DLGAP2: variants seen among roughly 807,000 people sequenced by gnomAD.
DLGAP2 encodes disks large-associated protein 2.
A neutral mutation model predicts 100.3 loss-of-function variants in DLGAP2; 26 were observed. That is an observed-to-expected ratio of 0.26 (90% confidence interval 0.19 to 0.36). DLGAP2 has a LOEUF of 0.36. Among genes scored for constraint, DLGAP2 ranks in the 10% least tolerant of loss-of-function variants. The pLI is 1.00. For missense variants in DLGAP2, 1,858 were observed against 1,453.2 expected (o/e 1.28, Z -4.53); for synonymous variants, 886 against 630.1 (o/e 1.41, Z -6.08).
At chr8:1,514,793 G>A (rs1800300929) in intron 4 of DLGAP2, among the ~76,000 whole-genome samples, 1 of 152,228 alleles carries the variant, frequency 6.6e-6, no homozygotes, top group Non-Finnish European at 1.5e-5. Flanking sequence ...CTCTCAGCAG[G>A]ACAGGAAAGG....
chr8:1,091,776 C>T (rs1013176889), intron 2 of DLGAP2, among the ~76,000 whole-genome samples: 1 of 151,936 alleles, frequency 6.6e-6, no homozygotes, highest in Non-Finnish European at 1.5e-5. Context: ...CCTCCATGGC[C>T]CCCGACCCTC....
chr8:1,319,634 G>C (rs892079285), intron 3 of DLGAP2, among the ~76,000 whole-genome samples: 4 of 152,176 alleles, frequency 2.6e-5, no homozygotes, highest in African/African-American at 9.7e-5. Context: ...ATGAGAAAAG[G>C]GCCTGGAGAG....
At chr8:1,254,505 G>T (rs1799126565) in intron 2 of DLGAP2, among the ~76,000 whole-genome samples, 1 of 152,106 alleles carries the variant, frequency 6.6e-6, no homozygotes, top group South Asian at 2.1e-4. Flanking sequence ...TTTGGAAGTG[G>T]CTCTCATGAA....
chr8:1,352,726 C>T (rs1186606415), intron 3 of DLGAP2, among the ~76,000 whole-genome samples: 8 of 152,134 alleles, frequency 5.3e-5, no homozygotes, highest in Non-Finnish European at 7.3e-5. Context: ...TTTTACAGCT[C>T]GCTGTGCCCT....
chr8:949,677 C>G (rs750293078), intron 2 of DLGAP2, among the ~76,000 whole-genome samples: 2 of 152,190 alleles, frequency 1.3e-5, no homozygotes, highest in African/African-American at 4.8e-5. Context: ...TGTCCTCGTT[C>G]CCACCCCCCT....
In DLGAP2 at chr8:1,640,313, G is replaced by T. The variant is rs781118926; in HGVS notation, c.1810+7267G>T. Among the ~76,000 whole-genome samples the T allele has an allele frequency of 9.3e-5, 12 of 129,344 alleles. 1 individual carries two copies. The highest frequency in any genetic ancestry group is 2.4e-4 in the South Asian group (1 of 4,180). 84.9% of individuals were successfully genotyped at this position (129,344 alleles called of 152,430 possible). A position where few individuals can be genotyped will look rare whatever the true frequency, so the allele number is the denominator to read the frequency against. On this transcript the variant is annotated intron_variant, in intron 8 of 14. Coordinates refer to ENST00000637795, the MANE Select transcript of DLGAP2 (RefSeq NM_001346810.2). ...GTGTGCTGCCCCGTGGGTCCTCAGT[G>T]TCAGACCTGCTGCTGAAGGGAAGCC...
intron 2 of DLGAP2, among the ~76,000 whole-genome samples, chr8:979,492 G>T (rs1465377274): frequency 6.6e-6 from 1 of 152,240 alleles, no homozygotes; most frequent in African/African-American, 2.4e-5. Context: ...TGGAGAGACA[G>T]GAGACATGGT....
intron 2 of DLGAP2, among the ~76,000 whole-genome samples, chr8:1,024,671 G>T (rs141762754): frequency 5.5e-4 from 84 of 152,314 alleles, no homozygotes; most frequent in Non-Finnish European, 1.0e-3. Context: ...AACAGAGGAG[G>T]AGTGCGGTGG....
intron 1 of DLGAP2, among the ~76,000 whole-genome samples, chr8:881,174 G>A (rs889683891): frequency 1.3e-5 from 2 of 152,188 alleles, no homozygotes; most frequent in African/African-American, 4.8e-5. Flanking sequence ...ATTCAGGAAA[G>A]TTAAGCGACC....
intron 3 of DLGAP2, among the ~76,000 whole-genome samples, chr8:1,316,205 G>A (rs1360785497): frequency 1.6e-5 from 2 of 122,892 alleles, no homozygotes; most frequent in South Asian, 2.9e-4. Flanking sequence ...GAGCCTGTAC[G>A]AGTGCAGCGT....
At position 1,538,531 on chromosome 8, in the gene DLGAP2, A is replaced by G. The variant is rs1390210386; in HGVS notation, c.173-10095A>G. On this transcript the variant is annotated intron_variant, in intron 4 of 14. Transcript: ENST00000637795. ...GCATGATAAGATAACCATTTTGTGA[A>G]AAGATGAAAGCTGCTCCGTGCAGGG... is the stretch of plus-strand genomic sequence containing the variant. Among the ~76,000 whole-genome samples, 4 of 152,190 alleles carry G rather than the reference A, an allele frequency of 2.6e-5. No individual in the cohort carries two copies. The South Asian group carries it at 6.2e-4, about 24-fold the overall frequency.
chr8:1,489,125 A>G (rs1466913916), intron 3 of DLGAP2, among the ~76,000 whole-genome samples: 1 of 152,196 alleles, frequency 6.6e-6, no homozygotes, highest in African/African-American at 2.4e-5. Context: ...CCAAGAAAAT[A>G]TGTCCTCCTC....
intron 1 of DLGAP2, among the ~76,000 whole-genome samples, chr8:889,785 G>T (rs1022615295): frequency 6.6e-6 from 1 of 152,228 alleles, no homozygotes; most frequent in East Asian, 1.9e-4. Context: ...AGCCAGTGCT[G>T]GTCACCCCTC....
rs557685690 is a variant in DLGAP2, at chr8:864,311, C to A, written c.19-43601C>A. 3.9e-5 allele frequency among the ~76,000 whole-genome samples: 6 copies of A among 152,018 alleles called. No homozygotes were observed. In the South Asian group the frequency reaches 1.0e-3, roughly 26 times the overall value. ...CAGGTGAGAATATCGTACGGTATGT[C>A]CCAAAATAGAAGAAAAGATTTGGAA... On this transcript the variant is annotated intron_variant, in intron 1 of 14. Transcript: ENST00000637795.
At chr8:1,183,499 A>G (rs1480157147) in intron 2 of DLGAP2, among the ~76,000 whole-genome samples, 2 of 152,232 alleles carry the variant, frequency 1.3e-5, no homozygotes, top group East Asian at 3.9e-4. Flanking sequence ...GAAGGGTTCC[A>G]AGCCCTGGAA....
chr8:1,422,570 A>C (rs1257856035), intron 3 of DLGAP2, among the ~76,000 whole-genome samples: 3 of 151,594 alleles, frequency 2.0e-5, no homozygotes, highest in Non-Finnish European at 2.9e-5. Flanking sequence ...TTAAAAAAAA[A>C]AAAAAAAGGT....
chr8:1,354,555 G>A (rs1435361318), intron 3 of DLGAP2, among the ~76,000 whole-genome samples: 2 of 152,172 alleles, frequency 1.3e-5, no homozygotes, highest in Non-Finnish European at 2.9e-5. Flanking sequence ...TGGAATGAAA[G>A]ACTGTGGGGC....
intron 3 of DLGAP2, among the ~76,000 whole-genome samples, chr8:1,422,494 T>C (rs1797119844): frequency 6.6e-6 from 1 of 151,880 alleles, no homozygotes; most frequent in South Asian, 2.1e-4. Context: ...CTTTAGAGAC[T>C]TAATGTAAAT....
Position 1,708,041 on chromosome 8 carries a change from A to G in DLGAP2, c.*6635A>G, listed in dbSNP as rs1328260845. ...TACCAGAATGTTGGTCATTCCTTTA[A>G]GGCAGTTAAGGATTGCTTTATTTGT... is the stretch of plus-strand genomic sequence containing the variant. On this transcript the variant is annotated 3_prime_UTR_variant, in exon 15 of 15. Transcript: ENST00000637795. 6.6e-6 allele frequency: 1 copy of G among 152,560 alleles called. No homozygotes were observed. Among genetic ancestry groups the G allele is most frequent in the African/African-American group, 2.4e-5 (1 of 41,434 alleles). The allele number at this position is 152,560 out of a possible 1,614,324, so 9.5% of individuals were successfully genotyped here.
Sources: gnomAD v4.1 joint callset for allele counts (sites outside exome capture counted in the v4.1 genomes callset) on GRCh38, gnomAD v4.1.1 for gene constraint, MANE v1.5 for transcripts, NCBI Gene and HGNC (gene_info 2026-07-23, HGNC 2026-07-21) for gene names.